Variants in FCRL5 observed in about 807,000 individuals in gnomAD.
FCRL5 encodes the protein Fc receptor like 5.
A neutral mutation model predicts 92.1 loss-of-function variants in FCRL5; 79 were observed. The ratio of observed to expected loss-of-function variants is 0.86; its 90% CI spans 0.72 to 1.03. FCRL5 has a LOEUF of 1.03. Among genes scored for constraint, FCRL5 ranks in the 50% least tolerant of loss-of-function variants. The probability of loss-of-function intolerance (pLI) is 0.00; values close to 1 mark genes in which losing one functional copy is unlikely to be tolerated. For synonymous variants in FCRL5, 466 were observed against 469.3 expected (o/e 0.99, Z 0.09); for missense variants, 1,160 against 1,181.1 (o/e 0.98, Z 0.26).
chr1:157,529,592 CGCAT>C (rs1650595776), intron 8 of FCRL5, among the ~76,000 whole-genome samples: 1 of 57,424 alleles, frequency 1.7e-5, no homozygotes, highest in South Asian at 1.0e-3. Flanking sequence ...GTGATACATA[CGCAT>C]GTGTGTGTGT....
At position 157,534,806 on chromosome 1, in the gene FCRL5, G is replaced by A. The variant is rs190519087; in HGVS notation, c.1489C>T (p.Gln497Ter). 2 of 1,610,034 alleles carry A rather than the reference G, an allele frequency of 1.2e-6. No individual in the cohort carries two copies. Among genetic ancestry groups the A allele is most frequent in the East Asian group, 2.2e-5 (1 of 44,846 alleles). ...TATAGGATTTGTGGGGAACCTCTCT[G>A]GACTTCACAGTGAAGTGTCACAGTG... Reference protein sequence around the residue: ...GATVTLHCEVQRGSPQILYQF... With the variant: ...GATVTLHCEV The change falls in exon 8 of 17, where the codon CAG becomes TAG. Residue 497 changes from glutamine to a stop codon, truncating the protein, a stop_gained. Coordinates refer to ENST00000361835, the MANE Select transcript of FCRL5 (RefSeq NM_031281.3). LOFTEE classifies it high-confidence loss of function.
At chr1:157,523,871 A>T in intron 10 of FCRL5, 1 of 243,012 alleles carries the variant, frequency 4.1e-6, no homozygotes, top group Non-Finnish European at 7.9e-6. Flanking sequence ...CCCAGTAATG[A>T]AAGAGACTCA....
intron 1 of FCRL5, among the ~76,000 whole-genome samples, chr1:157,549,963 G>A (rs1386068357): frequency 6.6e-6 from 1 of 152,078 alleles, no homozygotes; most frequent in African/African-American, 2.4e-5. Flanking sequence ...TGTGTAGAGT[G>A]TGTGTTTGTG....
intron 7 of FCRL5, among the ~76,000 whole-genome samples, chr1:157,537,520 C>G (rs1175291668): frequency 1.1e-4 from 16 of 152,136 alleles, no homozygotes; most frequent in Non-Finnish European, 2.4e-4. Context: ...TCGCCCCGGT[C>G]CTGTGGTCCT....
chr1:157,535,213 C>T (rs1650913631), intron 7 of FCRL5, among the ~76,000 whole-genome samples: 1 of 152,236 alleles, frequency 6.6e-6, no homozygotes, highest in Non-Finnish European at 1.5e-5. Context: ...ACTTGCACCG[C>T]TCCTCACTTC....
chr1:157,535,053 A>G (rs1234056526), intron 7 of FCRL5, among the ~76,000 whole-genome samples, 161 bp from the exon 8 acceptor site: 1 of 152,184 alleles, frequency 6.6e-6, no homozygotes, highest in African/African-American at 2.4e-5. Flanking sequence ...CCAGCCCTCC[A>G]TGCTGGTCTT....
Position 157,544,824 on chromosome 1 carries a change from G to T in FCRL5, c.559+7C>A. The T allele has an allele frequency of 1.2e-6, 2 of 1,613,978 alleles. No individual in the cohort carries two copies. The highest frequency in any genetic ancestry group is 2.2e-5 in the South Asian group (2 of 90,994). On this transcript the variant is annotated splice_region_variant and intron_variant, in intron 4 of 16. Coordinates refer to ENST00000361835, the MANE Select transcript of FCRL5 (RefSeq NM_031281.3). ...CAACTCACTTCACAAAATAATGAAGGCTTTACCTTGGACTTGGATTTTGAC... is the reference window on the plus strand; with the variant it reads ...CAACTCACTTCACAAAATAATGAAGTCTTTACCTTGGACTTGGATTTTGAC...
rs574640739 is a variant in FCRL5 at position 157,536,091 on chromosome 1, G to A, written c.1403-1199C>T. On this transcript the variant is annotated intron_variant, in intron 7 of 16. Transcript: ENST00000361835. ...TGAGTAGCTGGCGTTACAGGCGACC[G>A]CCACCACACCTGGCTAATTTTTGTA... 1.1e-3 allele frequency among the ~76,000 whole-genome samples: 163 copies of A among 151,912 alleles called. 1 individual carries two copies. The highest frequency in any genetic ancestry group is 3.4e-3 in the African/African-American group (142 of 41,452).
In FCRL5 at chr1:157,513,648, G is replaced by A. The variant is rs898977853; in HGVS notation, c.*2027C>T. On this transcript the variant is annotated 3_prime_UTR_variant, in exon 17 of 17. Coordinates refer to ENST00000361835, the MANE Select transcript of FCRL5 (RefSeq NM_031281.3). ...TTACATTCAGGCCTTCAACAGACTG[G>A]ACGGGGTCCACCCACATTAGGGTGG... The A allele has an allele frequency of 1.3e-5, 2 of 152,212 alleles. No homozygotes were observed. The highest frequency in any genetic ancestry group is 4.8e-5 in the African/African-American group (2 of 41,448). 9.4% of individuals were successfully genotyped at this position (152,212 alleles called of 1,614,324 possible). A position where few individuals can be genotyped will look rare whatever the true frequency, so the allele number is the denominator to read the frequency against.
At chr1:157,541,425 C>T (rs182141192) in intron 6 of FCRL5, among the ~76,000 whole-genome samples, 122 of 152,372 alleles carry the variant, frequency 8.0e-4, no homozygotes, top group Non-Finnish European at 1.1e-3. Context: ...CCTTACTCTG[C>T]TTCTAAATAT....
rs549491353 is a variant in FCRL5 at position 157,545,757 on chromosome 1, T to C, written c.308-675A>G. Among the ~76,000 whole-genome samples the C allele has an allele frequency of 5.4e-3, 815 of 152,264 alleles. 4 individuals carry two copies. The highest frequency in any genetic ancestry group is 0.019 in the African/African-American group (781 of 41,566). On this transcript the variant is annotated intron_variant, in intron 3 of 16. Coordinates refer to ENST00000361835, the MANE Select transcript of FCRL5 (RefSeq NM_031281.3). ...GTTAGCCAGGATGGTCTCAATCTCCTGACCTCGTGATCCACCCGCCTTGGC... is the reference window on the plus strand; with the variant it reads ...GTTAGCCAGGATGGTCTCAATCTCCCGACCTCGTGATCCACCCGCCTTGGC...
chr1:157,517,485 A>T (rs1434976337), intron 15 of FCRL5, among the ~76,000 whole-genome samples: 1 of 152,174 alleles, frequency 6.6e-6, no homozygotes, highest in Non-Finnish European at 1.5e-5. Flanking sequence ...TACTCATATG[A>T]TTCTCTAAAA....
At chr1:157,543,439 C>T (rs1156754276) in intron 5 of FCRL5, among the ~76,000 whole-genome samples, 1 of 152,186 alleles carries the variant, frequency 6.6e-6, no homozygotes, top group Non-Finnish European at 1.5e-5. Context: ...TTAGCATAGT[C>T]TTCTAGAGCT....
Position 157,513,650 on chromosome 1 carries a change from C to T in FCRL5, c.*2025G>A, listed in dbSNP as rs1133427. On this transcript the variant is annotated 3_prime_UTR_variant, in exon 17 of 17. Coordinates refer to ENST00000361835, the MANE Select transcript of FCRL5 (RefSeq NM_031281.3). Reference sequence around the variant, plus strand: ...ACATTCAGGCCTTCAACAGACTGGACGGGGTCCACCCACATTAGGGTGGAG... The same window carrying T: ...ACATTCAGGCCTTCAACAGACTGGATGGGGTCCACCCACATTAGGGTGGAG... The T allele has an allele frequency of 0.61, 93,037 of 152,040 alleles. 30,053 individuals carry two copies. Among genetic ancestry groups the T allele is most frequent in the East Asian group, 0.81 (4,173 of 5,168 alleles). The allele number at this position is 152,040 out of a possible 1,614,324, so 9.4% of individuals were successfully genotyped here. A position where few individuals can be genotyped will look rare whatever the true frequency, so the allele number is the denominator to read the frequency against.
intron 8 of FCRL5, chr1:157,528,125 G>C (rs1650522277): frequency 5.2e-6 from 2 of 386,144 alleles, no homozygotes; most frequent in Non-Finnish European, 9.0e-6. Context: ...AAAGTTTCAG[G>C]ATACAAAATC....
chr1:157,522,216 G>A (rs564064854), intron 10 of FCRL5: 71 of 152,346 alleles, frequency 4.7e-4, no homozygotes, highest in African/African-American at 1.5e-3. Flanking sequence ...CAGGTAGAAA[G>A]AGACCTTTAC....
intron 2 of FCRL5, 192 bp from the exon 3 acceptor site, chr1:157,547,389 G>A (rs1396334187): frequency 5.1e-6 from 4 of 781,772 alleles, no homozygotes; most frequent in Non-Finnish European, 9.1e-6. Flanking sequence ...TTGCCCAGGG[G>A]ATGGCAATGA....
In FCRL5 at chr1:157,518,379, T is replaced by C; in HGVS notation, c.2812+50A>G. The C allele has an allele frequency of 3.3e-6, 5 of 1,494,712 alleles. No homozygotes were observed. In the South Asian group the frequency reaches 5.7e-5, roughly 17 times the overall value. 92.6% of individuals were successfully genotyped at this position (1,494,712 alleles called of 1,614,324 possible). A position where few individuals can be genotyped will look rare whatever the true frequency, so the allele number is the denominator to read the frequency against. ...TGCTGAGTGGGTAGAAACTGAGCTA[T>C]ACTGTCTAAGTTGAGGGTGGGCCAG... On this transcript the variant is annotated intron_variant, in intron 15 of 16. Coordinates refer to ENST00000361835, the MANE Select transcript of FCRL5 (RefSeq NM_031281.3).
At chr1:157,546,468 A>ACCAAACCAAACCAAACCAAG (rs1651542930) in intron 3 of FCRL5, among the ~76,000 whole-genome samples, 1 of 151,410 alleles carries the variant, frequency 6.6e-6, no homozygotes, top group Non-Finnish European at 1.5e-5. Context: ...ACCAAACCAA[A>ACCAAACCAAACCAAACCAAG]CCAAACCAAA....
Sources: allele counts gnomAD v4.1 joint callset (sites outside exome capture counted in the v4.1 genomes callset), GRCh38; gene constraint gnomAD v4.1.1; transcripts MANE v1.5; gene names NCBI Gene and HGNC (gene_info 2026-07-23, HGNC 2026-07-21).